CADPS: variants seen among roughly 807,000 people sequenced by gnomAD.
CADPS encodes calcium-dependent secretion activator 1.
In CADPS, 57 loss-of-function variants were observed where a neutral mutation model predicts 167.3. That is an observed-to-expected ratio of 0.34 (90% CI 0.28 to 0.42). The LOEUF (loss-of-function observed/expected upper bound fraction) is 0.42, where lower values mean the gene tolerates loss of function less well. Among genes scored for constraint, CADPS ranks in the 20% least tolerant of loss-of-function variants. CADPS has a pLI of 1.00. For synonymous variants in CADPS, 676 were observed against 635.3 expected (o/e 1.06, Z -0.96); for missense variants, 1,414 against 1,738.1 (o/e 0.81, Z 3.32).
intron 21 of CADPS, among the ~76,000 whole-genome samples, chr3:62,482,368 C>T (rs1358560278): frequency 6.6e-6 from 1 of 152,180 alleles, no homozygotes; most frequent in Non-Finnish European, 1.5e-5. Flanking sequence ...AGTTCACCCA[C>T]TTGGAGGCAC....
chr3:62,803,513 A>C (rs1005559390), intron 1 of CADPS, among the ~76,000 whole-genome samples: 1 of 151,990 alleles, frequency 6.6e-6, no homozygotes, highest in African/African-American at 2.4e-5. Context: ...CTAACATCTC[A>C]AAATGAACGT....
At chr3:62,611,691 A>G (rs1046212548) in intron 6 of CADPS, among the ~76,000 whole-genome samples, 2 of 152,202 alleles carry the variant, frequency 1.3e-5, no homozygotes, top group African/African-American at 4.8e-5. Flanking sequence ...TGTTCTTCAA[A>G]AATGCCAAGC....
At chr3:62,423,426 G>A (rs1014338428) in intron 28 of CADPS, among the ~76,000 whole-genome samples, 4 of 152,158 alleles carry the variant, frequency 2.6e-5, no homozygotes, top group African/African-American at 9.7e-5. Context: ...GATCCATGAG[G>A]GAAATAGTGA....
chr3:62,749,231 C>T (rs2082174411), intron 3 of CADPS, among the ~76,000 whole-genome samples: 1 of 152,176 alleles, frequency 6.6e-6, no homozygotes, highest in Non-Finnish European at 1.5e-5. Context: ...AACTCTCTTG[C>T]TTTTCTCTTA....
chr3:62,644,819 C>T (rs184444911), intron 6 of CADPS, among the ~76,000 whole-genome samples: 1 of 152,334 alleles, frequency 6.6e-6, no homozygotes, highest in East Asian at 1.9e-4. Context: ...CATCTGTCCT[C>T]ACAAACTGGT....
intron 3 of CADPS, among the ~76,000 whole-genome samples, chr3:62,744,579 A>G (rs1314306809): frequency 6.6e-6 from 1 of 152,242 alleles, no homozygotes; most frequent in East Asian, 1.9e-4. Context: ...AGGCTGTGCT[A>G]GATGGCTTAT....
intron 3 of CADPS, among the ~76,000 whole-genome samples, chr3:62,718,164 T>C (rs1336283474): frequency 6.6e-6 from 1 of 152,184 alleles, no homozygotes; most frequent in African/African-American, 2.4e-5. Flanking sequence ...TAGTCACATG[T>C]TTATTATCTG....
At chr3:62,658,871 T>G (rs2072420881) in intron 4 of CADPS, among the ~76,000 whole-genome samples, 1 of 152,178 alleles carries the variant, frequency 6.6e-6, no homozygotes, top group Non-Finnish European at 1.5e-5. Context: ...ATTGTGAATT[T>G]GCAGGGGATA....
At chr3:62,509,567 A>C (rs1000019406) in intron 17 of CADPS, among the ~76,000 whole-genome samples, 5 of 152,160 alleles carry the variant, frequency 3.3e-5, no homozygotes, top group Non-Finnish European at 4.4e-5. Flanking sequence ...ACAAAACCTC[A>C]ACATCACACA....
chr3:62,745,592 G>A (rs531700), intron 3 of CADPS, among the ~76,000 whole-genome samples: 74,637 of 151,954 alleles, frequency 0.49, 20,138 homozygotes, highest in African/African-American at 0.71. Flanking sequence ...TTTATGCCTG[G>A]AAGATTACTG....
chr3:62,864,819 T>C (rs2081390349), intron 1 of CADPS, among the ~76,000 whole-genome samples: 1 of 152,114 alleles, frequency 6.6e-6, no homozygotes, highest in East Asian at 1.9e-4. Context: ...AAAACACCAA[T>C]ATTTACAATT....
chr3:62,860,633 C>T (rs2080608237), intron 1 of CADPS, among the ~76,000 whole-genome samples: 1 of 152,140 alleles, frequency 6.6e-6, no homozygotes, highest in African/African-American at 2.4e-5. Context: ...TTAAAACTTT[C>T]AAAGACTGGG....
intron 6 of CADPS, among the ~76,000 whole-genome samples, chr3:62,644,479 A>T (rs1579481332): frequency 6.6e-6 from 1 of 151,994 alleles, no homozygotes; most frequent in Admixed American, 6.6e-5. Flanking sequence ...CTCCTGCACA[A>T]CCCTGCCCAC....
At chr3:62,449,067 G>T (rs1172293322) in intron 26 of CADPS, among the ~76,000 whole-genome samples, 1 of 152,190 alleles carries the variant, frequency 6.6e-6, no homozygotes, top group Non-Finnish European at 1.5e-5. Context: ...GTTAATTAAG[G>T]AGCTTCAGTG....
intron 24 of CADPS, among the ~76,000 whole-genome samples, chr3:62,470,978 A>AG (rs1459327054): frequency 3.3e-5 from 5 of 152,242 alleles, no homozygotes; most frequent in Admixed American, 6.5e-5. Flanking sequence ...ATGTCTAGAA[A>AG]GAAATAGACA....
chr3:62,534,972 C>T (rs1376260269), intron 12 of CADPS, among the ~76,000 whole-genome samples: 2 of 151,986 alleles, frequency 1.3e-5, no homozygotes, highest in East Asian at 1.9e-4. Flanking sequence ...CATTTATAAA[C>T]TCTCCTTCAC....
At chr3:62,618,288 G>C (rs1387027688) in intron 6 of CADPS, among the ~76,000 whole-genome samples, 1 of 152,024 alleles carries the variant, frequency 6.6e-6, no homozygotes, top group Non-Finnish European at 1.5e-5. Context: ...GTCATCGTTT[G>C]AGCATCTGGA....
At chr3:62,670,799 T>C (rs1036121636) in intron 3 of CADPS, among the ~76,000 whole-genome samples, 5 of 152,188 alleles carry the variant, frequency 3.3e-5, no homozygotes, top group African/African-American at 1.2e-4. Flanking sequence ...TTTTCCTTTC[T>C]ACCATTTCAA....
chr3:62,722,456 T>A (rs1484019083), intron 3 of CADPS, among the ~76,000 whole-genome samples: 1 of 152,158 alleles, frequency 6.6e-6, no homozygotes, highest in African/African-American at 2.4e-5. Context: ...CTCATGAACA[T>A]CTCATGAACA....
Sources: gnomAD v4.1 joint callset for allele counts (sites outside exome capture counted in the v4.1 genomes callset) on GRCh38, gnomAD v4.1.1 for gene constraint, MANE v1.5 for transcripts, NCBI Gene and HGNC (gene_info 2026-07-23, HGNC 2026-07-21) for gene names.